Variants in ESRRG observed in about 807,000 individuals in gnomAD.
ESRRG encodes the protein estrogen-related receptor gamma.
A neutral mutation model predicts 44.0 loss-of-function variants in ESRRG; 13 were observed. That is an observed-to-expected ratio of 0.30 (90% CI 0.19 to 0.47). The LOEUF (loss-of-function observed/expected upper bound fraction) is 0.47, where lower values mean the gene tolerates loss of function less well. Ranked by LOEUF, ESRRG falls within the 20% of genes least tolerant of loss-of-function variation. ESRRG has a pLI of 1.00. For synonymous variants in ESRRG, 215 were observed against 214.6 expected, an observed-to-expected ratio of 1.00 and a Z score of -0.02; for missense variants, 395 against 580.6, an observed-to-expected ratio of 0.68 and a Z score of 3.29.
rs1462903947 is a variant in ESRRG, at chr1:216,592,281, T to C, written c.590-24183A>G. Among the ~76,000 whole-genome samples the C allele has an allele frequency of 2.6e-5, 4 of 152,166 alleles. No homozygotes were observed. The East Asian group carries it at 7.7e-4, about 29-fold the overall frequency. On this transcript the variant is annotated intron_variant, in intron 3 of 6. Coordinates refer to ENST00000408911, the MANE Select transcript of ESRRG (RefSeq NM_001438.4). ...AGAATTTCCAGTAATCCTTTGAATA[T>C]CTTTATTTTTACTTCCTTCCATGTG...
chr1:217,011,188 A>G lies in ESRRG; in HGVS notation c.-105-71515T>C, dbSNP rs1025295729. 2.0e-5 allele frequency among the ~76,000 whole-genome samples: 3 copies of G among 152,224 alleles called. No homozygotes were observed. The South Asian group carries it at 6.2e-4, about 32-fold the overall frequency. On this transcript the variant is annotated intron_variant, in intron 1 of 7. Coordinates refer to the ESRRG transcript ENST00000359162. ...AGCTGCGTACACACTCTACAGAAAAAATGACACATTGCCTGACTATCACTA... is the reference window on the plus strand; with the variant it reads ...AGCTGCGTACACACTCTACAGAAAAGATGACACATTGCCTGACTATCACTA...
chr1:217,042,293 A>T (rs961303903), intron 1 of ESRRG, among the ~76,000 whole-genome samples: 1 of 152,182 alleles, frequency 6.6e-6, no homozygotes, highest in African/African-American at 2.4e-5. Context: ...AAAATTTCCC[A>T]CTAGGGTGGC....
At chr1:216,645,217 A>T (rs6604639) in intron 3 of ESRRG, among the ~76,000 whole-genome samples, 19,134 of 152,084 alleles carry the variant, frequency 0.13, 1,288 homozygotes, top group African/African-American at 0.18. Flanking sequence ...CTCCCCTAGG[A>T]AGATGAAAAG....
chr1:216,887,380 G>T (rs2057166745), intron 2 of ESRRG, among the ~76,000 whole-genome samples: 1 of 152,120 alleles, frequency 6.6e-6, no homozygotes, highest in Admixed American at 6.5e-5. Context: ...TGAACTATCA[G>T]AACTATTAGA....
rs147972646 is a variant in ESRRG, at chr1:216,681,490, G to A, written c.57-3999C>T. On this transcript the variant is annotated intron_variant, in intron 1 of 6. Coordinates refer to ENST00000408911, the MANE Select transcript of ESRRG (RefSeq NM_001438.4). Reference sequence around the variant, plus strand: ...CCCAGTGTGTGATGTTCCCCTTCCTGCATGAGACACTAGGTTTGAGGAATT... The same window carrying A: ...CCCAGTGTGTGATGTTCCCCTTCCTACATGAGACACTAGGTTTGAGGAATT... Among the ~76,000 whole-genome samples, 495 of 151,828 alleles carry A rather than the reference G, an allele frequency of 3.3e-3. 3 individuals carry two copies. Among genetic ancestry groups the A allele is most frequent in the African/African-American group, 0.012 (477 of 41,398 alleles).
intron 2 of ESRRG, among the ~76,000 whole-genome samples, chr1:216,856,026 T>A (rs1419212310): frequency 1.3e-5 from 2 of 152,098 alleles, no homozygotes; most frequent in Non-Finnish European, 2.9e-5. Flanking sequence ...CTTTTTGTTG[T>A]TATCAAAAGA....
intron 2 of ESRRG, among the ~76,000 whole-genome samples, chr1:216,926,602 T>C (rs1193550671): frequency 1.3e-5 from 2 of 152,194 alleles, no homozygotes; most frequent in Non-Finnish European, 2.9e-5. Context: ...ACTAGCCATT[T>C]AAAACTCTGG....
At chr1:216,892,602 T>C (rs2057946574) in intron 2 of ESRRG, among the ~76,000 whole-genome samples, 1 of 152,186 alleles carries the variant, frequency 6.6e-6, no homozygotes, top group Admixed American at 6.5e-5. Flanking sequence ...CCTCAGTTCA[T>C]GCAGGCTGAG....
intron 6 of ESRRG, among the ~76,000 whole-genome samples, chr1:216,516,777 G>C (rs2044467536): frequency 6.6e-6 from 1 of 151,808 alleles, no homozygotes; most frequent in African/African-American, 2.4e-5. Flanking sequence ...AACCTACATT[G>C]GATCTAAGCA....
intron 2 of ESRRG, among the ~76,000 whole-genome samples, chr1:216,783,944 T>G (rs1459451897): frequency 6.6e-6 from 1 of 152,136 alleles, no homozygotes; most frequent in African/African-American, 2.4e-5. Flanking sequence ...AGCTTGCACT[T>G]GTCTGCAATA....
intron 5 of ESRRG, 107 bp downstream of exon 5, chr1:216,564,111 GT>G (rs903999242): frequency 1.2e-5 from 7 of 565,210 alleles, no homozygotes; most frequent in East Asian, 9.5e-5. Flanking sequence ...AATGTAAAGG[GT>G]TTTTTTAAGT....
chr1:216,513,028 A>G (rs1327793146), intron 6 of ESRRG, among the ~76,000 whole-genome samples: 3 of 152,298 alleles, frequency 2.0e-5, no homozygotes, highest in South Asian at 2.1e-4. Context: ...CTGTCCATAC[A>G]TTGTCTTACA....
At chr1:216,985,563 T>A (rs2074730528) in intron 1 of ESRRG, among the ~76,000 whole-genome samples, 1 of 152,198 alleles carries the variant, frequency 6.6e-6, no homozygotes, top group African/African-American at 2.4e-5. Context: ...AGTTAGGAAG[T>A]TGCTTTCCCA....
At chr1:216,642,532 CTTATA>C (rs2066663238) in intron 3 of ESRRG, among the ~76,000 whole-genome samples, 1 of 152,048 alleles carries the variant, frequency 6.6e-6, no homozygotes, top group Non-Finnish European at 1.5e-5. Context: ...TTCGCTATTG[CTTATA>C]TTATAACTTG....
intron 1 of ESRRG, among the ~76,000 whole-genome samples, chr1:217,121,972 T>C (rs1200877228): frequency 6.6e-6 from 1 of 152,176 alleles, no homozygotes; most frequent in East Asian, 1.9e-4. Context: ...TAAAAGGAAA[T>C]TGCTTGTCCT....
intron 1 of ESRRG, among the ~76,000 whole-genome samples, chr1:216,966,091 A>T (rs2070295707): frequency 6.6e-6 from 1 of 152,176 alleles, no homozygotes; most frequent in Non-Finnish European, 1.5e-5. Context: ...AGGTAGAACA[A>T]TAGAACATGT....
chr1:216,879,206 G>C (rs2149295080), intron 2 of ESRRG, among the ~76,000 whole-genome samples: 1 of 152,180 alleles, frequency 6.6e-6, no homozygotes, highest in East Asian at 1.9e-4. Flanking sequence ...AAATAACTTG[G>C]AGTTCAAGAG....
At chr1:216,941,660 GCAGTATA>G (rs752833800) in intron 1 of ESRRG, among the ~76,000 whole-genome samples, 240 of 152,232 alleles carry the variant, frequency 1.6e-3, no homozygotes, top group African/African-American at 2.7e-3. Flanking sequence ...ATTACAAAAT[GCAGTATA>G]CATTTCCCCA....
chr1:216,569,680 C>T (rs905344495), intron 3 of ESRRG, among the ~76,000 whole-genome samples: 1 of 152,128 alleles, frequency 6.6e-6, no homozygotes, highest in Non-Finnish European at 1.5e-5. Flanking sequence ...TGCAATATTA[C>T]ATTGTACTTT....
Sources: gnomAD v4.1 joint callset for allele counts (sites outside exome capture counted in the v4.1 genomes callset) on GRCh38, gnomAD v4.1.1 for gene constraint, MANE v1.5 for transcripts, NCBI Gene and HGNC (gene_info 2026-07-23, HGNC 2026-07-21) for gene names.